Variants in PCDHA10 observed in about 807,000 individuals in gnomAD.
The protein encoded by PCDHA10 is protocadherin alpha 10.
In PCDHA10, 45 loss-of-function variants were observed where a neutral mutation model predicts 61.2. The ratio of observed to expected loss-of-function variants is 0.74; its 90% CI spans 0.58 to 0.94. PCDHA10 has a LOEUF of 0.94. Ranked by LOEUF, PCDHA10 falls within the 40% of genes least tolerant of loss-of-function variation. The pLI is 0.00. For missense variants in PCDHA10, 1,278 were observed against 1,236.2 expected (o/e 1.03, Z -0.51); for synonymous variants, 602 against 548.8 (o/e 1.10, Z -1.35).
chr5:140,870,308 A>G, intron 1 of PCDHA10: 1 of 1,614,140 alleles, frequency 6.2e-7, no homozygotes, highest in Non-Finnish European at 8.5e-7. Context: ...ACCTTCAAGA[A>G]TTACTACTCG....
At chr5:140,997,374 A>G (rs1296402204) in intron 3 of PCDHA10, among the ~76,000 whole-genome samples, 1 of 152,212 alleles carries the variant, frequency 6.6e-6, no homozygotes, top group Non-Finnish European at 1.5e-5. Flanking sequence ...TAGATGATAT[A>G]GCATACTACA....
At chr5:140,926,785 G>A in intron 1 of PCDHA10, 1 of 1,417,966 alleles carries the variant, frequency 7.1e-7, no homozygotes. Context: ...GTGACGGCCG[G>A]CAGGAGCGTG....
chr5:140,968,737 C>T, intron 1 of PCDHA10: 2 of 1,614,148 alleles, frequency 1.2e-6, no homozygotes, highest in Non-Finnish European at 1.7e-6. Flanking sequence ...GCACTTTCAA[C>T]CTGACCGTGG....
intron 1 of PCDHA10, among the ~76,000 whole-genome samples, chr5:140,893,033 A>G (rs1246631946): frequency 1.3e-5 from 2 of 152,230 alleles, no homozygotes; most frequent in African/African-American, 2.4e-5. Flanking sequence ...TTCACTTAAC[A>G]TATGCCCTCC....
intron 1 of PCDHA10, among the ~76,000 whole-genome samples, chr5:140,959,004 C>G (rs1554223791): frequency 6.6e-6 from 1 of 151,642 alleles, no homozygotes; most frequent in African/African-American, 2.4e-5. Flanking sequence ...TTTACTGTAC[C>G]TAATTTATAC....
At chr5:141,007,498 G>T (rs936217793) in intron 3 of PCDHA10, among the ~76,000 whole-genome samples, 2 of 151,942 alleles carry the variant, frequency 1.3e-5, no homozygotes, top group Admixed American at 1.3e-4. Context: ...GACCTAGGAG[G>T]CAGAGACTGC....
chr5:140,883,581 C>T (rs144119560), intron 1 of PCDHA10: 1 of 1,614,018 alleles, frequency 6.2e-7, no homozygotes, highest in Non-Finnish European at 8.5e-7. Flanking sequence ...CTGTGGGCCA[C>T]GGCCAGCGTG....
chr5:140,866,671 G>A (rs2049487363), intron 1 of PCDHA10: 1 of 152,084 alleles, frequency 6.6e-6, no homozygotes, highest in Admixed American at 6.5e-5. Context: ...AGAAATAATA[G>A]CACTAGGTCT....
At chr5:140,979,137 A>G (rs1554240284) in intron 2 of PCDHA10, 130 bp downstream of exon 2, 1 of 1,459,542 alleles carries the variant, frequency 6.9e-7, no homozygotes, top group Non-Finnish European at 9.0e-7. Context: ...GGAAAATGCA[A>G]TTATTTTGTC....
intron 1 of PCDHA10, among the ~76,000 whole-genome samples, chr5:140,904,728 T>G (rs1357605257): frequency 6.6e-6 from 1 of 152,198 alleles, no homozygotes; most frequent in Non-Finnish European, 1.5e-5. Flanking sequence ...CCAACATCTA[T>G]TATTTTTTTA....
In PCDHA10 at chr5:140,870,516, C is replaced by A. The variant is rs568100247; in HGVS notation, c.2388+12080C>A. The A allele has an allele frequency of 2.2e-4, 361 of 1,614,240 alleles. 3 individuals carry two copies. In the South Asian group the frequency reaches 3.8e-3, roughly 17 times the overall value. ...TGAAGGAGAACAACCCACCAGGCTG[C>A]CACATCTTCACAGTGTCGGCGCGGG... is the stretch of plus-strand genomic sequence containing the variant. On this transcript the variant is annotated intron_variant, in intron 1 of 3. Coordinates refer to ENST00000307360, the MANE Select transcript of PCDHA10 (RefSeq NM_018901.4).
chr5:141,010,105 G>A lies in PCDHA10; in HGVS notation c.*168G>A. 6.2e-7 allele frequency: 1 copy of A among 1,612,150 alleles called. No homozygotes were observed. Among genetic ancestry groups the A allele is most frequent in the African/African-American group, 1.3e-5 (1 of 74,962 alleles). The stretch of plus-strand genomic sequence containing the variant: ...GTCTAGAACGCATTTAACAGGTTTT[G>A]TCGTAAAAGCTTTACTAAGTCTGGT... On this transcript the variant is annotated 3_prime_UTR_variant, in exon 4 of 4. Transcript: ENST00000307360.
intron 1 of PCDHA10, among the ~76,000 whole-genome samples, chr5:140,971,368 G>A (rs1433220574): frequency 1.3e-5 from 2 of 152,186 alleles, no homozygotes; most frequent in Non-Finnish European, 2.9e-5. Context: ...TGCCAGGAGA[G>A]TGCATGACTT....
chr5:140,929,070 G>A lies in PCDHA10; in HGVS notation c.2389-49879G>A, dbSNP rs2085795989. 2.5e-6 allele frequency: 4 copies of A among 1,614,200 alleles called. No homozygotes were observed. The African/African-American group carries it at 5.3e-5, about 22-fold the overall frequency. ...GCTGTCGCTCTACAGAGGATCTGAG[G>A]TATGGAAGTAAGATGGTTTCAAATC... On this transcript the variant is annotated intron_variant, in intron 1 of 3. Coordinates refer to ENST00000307360, the MANE Select transcript of PCDHA10 (RefSeq NM_018901.4).
intron 1 of PCDHA10, chr5:140,863,343 G>A (rs781977341): frequency 6.7e-6 from 9 of 1,338,226 alleles, no homozygotes; most frequent in Non-Finnish European, 5.2e-6. Context: ...CGTTGCTGCT[G>A]TACACGACGC....
intron 1 of PCDHA10, among the ~76,000 whole-genome samples, chr5:140,977,549 A>G (rs2096765562): frequency 6.6e-6 from 1 of 152,210 alleles, no homozygotes; most frequent in African/African-American, 2.4e-5. Flanking sequence ...TTGCATATGC[A>G]TATCTTGCTA....
intron 1 of PCDHA10, chr5:140,870,710 C>T (rs782716335): frequency 6.2e-7 from 1 of 1,613,092 alleles, no homozygotes; most frequent in South Asian, 1.1e-5. Flanking sequence ...CAGGTGAGCG[C>T]GCGCGATGCG....
intron 1 of PCDHA10, among the ~76,000 whole-genome samples, chr5:140,912,283 A>G (rs1442282452): frequency 6.6e-6 from 1 of 152,104 alleles, no homozygotes; most frequent in Non-Finnish European, 1.5e-5. Flanking sequence ...ACCCAGGAAC[A>G]ATACTTTGCC....
chr5:140,939,579 A>AT (rs2153642013), intron 1 of PCDHA10, among the ~76,000 whole-genome samples: 1 of 152,306 alleles, frequency 6.6e-6, no homozygotes, highest in African/African-American at 2.4e-5. Context: ...AAAATGGAAA[A>AT]TTTTAACATA....
Sources: allele counts gnomAD v4.1 joint callset (sites outside exome capture counted in the v4.1 genomes callset), GRCh38; gene constraint gnomAD v4.1.1; transcripts MANE v1.5; gene names NCBI Gene and HGNC (gene_info 2026-07-23, HGNC 2026-07-21).